The following KLK11 variants were observed in gnomAD, a reference collection of about 807,000 sequenced individuals.
KLK11 encodes the protein kallikrein-11.
KLK11 carries 10 observed loss-of-function variants against 23.4 expected under a neutral mutation model. That is an observed-to-expected ratio of 0.43 (90% confidence interval 0.26 to 0.73). The LOEUF (loss-of-function observed/expected upper bound fraction) is 0.73, where lower values mean the gene tolerates loss of function less well. KLK11 is among the 30% of genes least tolerant of loss of function. The probability of loss-of-function intolerance (pLI) is 0.22; values close to 1 mark genes in which losing one functional copy is unlikely to be tolerated. For synonymous variants in KLK11, 131 were observed against 131.7 expected (o/e 0.99, Z 0.03); for missense variants, 285 against 327.8 (o/e 0.87, Z 1.01).
Position 51,023,109 on chromosome 19 carries a change from C to T in KLK11, c.583G>A (p.Gly195Ser), listed in dbSNP as rs748926710. Residue 195 changes from glycine (G) to serine (S), a missense_variant, in exon 5 of 6, where the codon GGC becomes AGC. Transcript: ENST00000453757. ...TMVCASVQEG[G>S]KDSCQGDSGG... Reference sequence around the variant, plus strand: ...ACACTGACCTGGCAGGAGTCCTTGCCCCCTTCCTGCACGCTGGCACACACC... The same window carrying T: ...ACACTGACCTGGCAGGAGTCCTTGCTCCCTTCCTGCACGCTGGCACACACC... The T allele has an allele frequency of 1.2e-6, 2 of 1,609,930 alleles. No individual in the cohort carries two copies. Among genetic ancestry groups the T allele is most frequent in the Non-Finnish European group, 8.5e-7 (1 of 1,178,304 alleles).
In KLK11 at chr19:51,023,197, G is replaced by A. The variant is rs913235095; in HGVS notation, c.495C>T (p.Asn165=). The A allele has an allele frequency of 6.2e-7, 1 of 1,613,682 alleles. No homozygotes were observed. The highest frequency in any genetic ancestry group is 8.5e-7 in the Non-Finnish European group (1 of 1,179,908). ...ACTTCTGGTGCTCAATGATGGTGAT[G>A]TTGGCGCATCGCAAGGTGTGAGGCA... ...LRLPHTLRCA[N]ITIIEHQKCE... Residue 165 remains asparagine (N), a synonymous_variant, in exon 5 of 6, where the codon AAC becomes AAT. Transcript: ENST00000453757.
At position 51,022,470 on chromosome 19, in the gene KLK11, CTTAT is replaced by C; in HGVS notation, c.*71_*74del. The C allele has an allele frequency of 6.3e-7, 1 of 1,579,914 alleles. No homozygotes were observed. Among genetic ancestry groups the C allele is most frequent in the South Asian group, 1.1e-5 (1 of 89,944 alleles). On this transcript the variant is annotated 3_prime_UTR_variant, in exon 6 of 6. Coordinates refer to ENST00000453757, the MANE Select transcript of KLK11 (RefSeq NM_001136032.3). ...CGTAGAGGGTCTTGGCTTAGGGTTT[CTTAT>C]TAACAGAGTGAACAGGAACCAAACA...
chr19:51,023,352 C>T, intron 4 of KLK11, 124 bp from the exon 5 acceptor site: 1 of 965,758 alleles, frequency 1.0e-6, no homozygotes, highest in South Asian at 1.7e-5. Flanking sequence ...CACCTCTCTT[C>T]TTGTAACAAT....
chr19:51,027,087 A>C (rs1276860945), upstream of KLK11: 2 of 213,276 alleles, frequency 9.4e-6, no homozygotes, highest in East Asian at 1.3e-4. Context: ...ATCTCTGGCA[A>C]TTTGTCTTGA....
chr19:51,026,308 G>A (rs182003984), intron 1 of KLK11, among the ~76,000 whole-genome samples: 13 of 152,052 alleles, frequency 8.5e-5, no homozygotes, highest in East Asian at 1.9e-4. Context: ...CCTGGCCAGC[G>A]GGGGTGGGAG....
upstream of KLK11, chr19:51,027,166 C>T (rs1209388382): frequency 2.0e-5 from 8 of 391,558 alleles, no homozygotes; most frequent in Non-Finnish European, 3.7e-5. Context: ...CTCTCCACAG[C>T]CCCAGCCCAG....
chr19:51,023,820 G>T, intron 4 of KLK11: 1 of 444,456 alleles, frequency 2.2e-6, no homozygotes, highest in Non-Finnish European at 3.9e-6. Context: ...CTTGCCTAAG[G>T]TCTTACAACC....
chr19:51,025,505 A>G lies in KLK11; in HGVS notation c.40+87T>C. 1 of 860,082 alleles carries G rather than the reference A, an allele frequency of 1.2e-6. No individual in the cohort carries two copies. The highest frequency in any genetic ancestry group is 1.7e-6 in the Non-Finnish European group (1 of 579,016). The allele number at this position is 860,082 out of a possible 1,614,324, so 53.3% of individuals were successfully genotyped here. On this transcript the variant is annotated intron_variant, in intron 2 of 5. Transcript: ENST00000453757. The surrounding 1 kb of genome is among the most constrained non-coding windows in gnomAD (Gnocchi z 6.2). ...ATGGGTTGTTCTGTAATTTGGAATC[A>G]GCCCTGTCACTGTCCAGACACAGAG...
At position 51,025,045 on chromosome 19, in the gene KLK11, C is replaced by T. The variant is rs2091461735; in HGVS notation, c.41-251G>A. The stretch of plus-strand genomic sequence containing the variant: ...GGCTAAGGTGGGAGGATTACTTGAG[C>T]CCAGGAGTTCTAGATCAGCCTAGGC... On this transcript the variant is annotated intron_variant, in intron 2 of 5. Transcript: ENST00000453757. This position sits in a 1 kb window ranked among gnomAD's most constrained non-coding sequence, Gnocchi z 6.2. Among the ~76,000 whole-genome samples the T allele has an allele frequency of 6.6e-6, 1 of 152,058 alleles. No individual in the cohort carries two copies. The highest frequency in any genetic ancestry group is 2.1e-4 in the South Asian group (1 of 4,818).
At chr19:51,027,665 C>T (rs1161845620), upstream of KLK11, 3 of 823,950 alleles carry the variant, frequency 3.6e-6, no homozygotes, top group Admixed American at 4.6e-5. Context: ...CCAGCCCTGG[C>T]CTCAAACCTA....
rs779058379 is a variant in KLK11 at position 51,024,112 on chromosome 19, G to A, written c.396C>T (p.Ser132=). The A allele has an allele frequency of 6.3e-7, 1 of 1,595,906 alleles. No individual in the cohort carries two copies. The highest frequency in any genetic ancestry group is 1.1e-5 in the South Asian group (1 of 88,718). Residue 132 remains serine, a synonymous_variant, in exon 4 of 6, where the codon TCC becomes TCT. Transcript: ENST00000453757. The surrounding 1 kb of genome is among the most constrained non-coding windows in gnomAD (Gnocchi z 6.2). ...ITWAVRPLTL[S]SRCVTAGTSC... ...TGGTGCCAGCAGTGACACAGCGTGA[G>A]GAGAGGGTGAGGGGTCGCACAGCCC...
Position 51,025,821 on chromosome 19 carries a change from A to G in KLK11, c.-35-155T>C, listed in dbSNP as rs1320756969. 2.0e-6 allele frequency: 1 copy of G among 506,840 alleles called. No individual in the cohort carries two copies. Among genetic ancestry groups the G allele is most frequent in the Non-Finnish European group, 3.5e-6 (1 of 283,448 alleles). 31.4% of individuals were successfully genotyped at this position (506,840 alleles called of 1,614,324 possible). A position where few individuals can be genotyped will look rare whatever the true frequency, so the allele number is the denominator to read the frequency against. ...ATCCCCTGTTTCTCACAGCACTCAGATCTCCAAACACTTAAAATATATCTT... is the reference window on the plus strand; with the variant it reads ...ATCCCCTGTTTCTCACAGCACTCAGGTCTCCAAACACTTAAAATATATCTT... On this transcript the variant is annotated intron_variant, in intron 1 of 5. Coordinates refer to ENST00000453757, the MANE Select transcript of KLK11 (RefSeq NM_001136032.3). The surrounding 1 kb of genome is among the most constrained non-coding windows in gnomAD (Gnocchi z 6.2).
Position 51,024,158 on chromosome 19 carries a change from G to A in KLK11, c.350C>T (p.Ala117Val). ...HRNDIMLVKM[A>V]SPVSITWAVR... is the part of the protein sequence containing the mutation. Reference sequence around the variant, plus strand: ...AGCCCAGGTGATGGAGACTGGCGATGCCATCTTCACCAGCATGATGTCATT... The same window carrying A: ...AGCCCAGGTGATGGAGACTGGCGATACCATCTTCACCAGCATGATGTCATT... The change falls in exon 4 of 6, where the codon GCA becomes GTA. Residue 117 changes from alanine (A) to valine (V), a missense_variant. Physicochemically the swap from Ala to Val is moderately conservative, Grantham distance 64. Coordinates refer to ENST00000453757, the MANE Select transcript of KLK11 (RefSeq NM_001136032.3). The surrounding 1 kb of genome is among the most constrained non-coding windows in gnomAD (Gnocchi z 6.2). The A allele has an allele frequency of 6.2e-7, 1 of 1,613,480 alleles. No individual in the cohort carries two copies. The highest frequency in any genetic ancestry group is 2.2e-5 in the East Asian group (1 of 44,840).
Position 51,024,603 on chromosome 19 carries a change from C to T in KLK11, c.197+35G>A. ...TCCATCCATCTCCCCATTCCCAGCC[C>T]CCCACCCCGGCACCGCCCCAGCCCC... is the stretch of plus-strand genomic sequence containing the variant. On this transcript the variant is annotated intron_variant, in intron 3 of 5. Transcript: ENST00000453757. The surrounding 1 kb of genome is among the most constrained non-coding windows in gnomAD (Gnocchi z 6.2). 1 of 1,472,914 alleles carries T rather than the reference C, an allele frequency of 6.8e-7. No homozygotes were observed. The highest frequency in any genetic ancestry group is 2.5e-5 in the East Asian group (1 of 40,000). 91.2% of individuals were successfully genotyped at this position (1,472,914 alleles called of 1,614,324 possible). A position where few individuals can be genotyped will look rare whatever the true frequency, so the allele number is the denominator to read the frequency against.
chr19:51,024,225 G>C lies in KLK11; in HGVS notation c.283C>G (p.His95Asp), dbSNP rs765607171. The change falls in exon 4 of 6, where the codon CAC becomes GAC. Residue 95 changes from histidine (H) to aspartate (D), a missense_variant. Physicochemically the swap from His to Asp is moderately conservative, Grantham distance 81. Transcript: ENST00000453757. The surrounding 1 kb of genome is among the most constrained non-coding windows in gnomAD (Gnocchi z 6.2). Reference sequence around the variant, plus strand: ...GGGAGGCTGTTGTTGAAGCCGGGGTGGGGGAAGGACTCAGTGGCTGTCCGG... The same window carrying C: ...GGGAGGCTGTTGTTGAAGCCGGGGTCGGGGAAGGACTCAGTGGCTGTCCGG... ...QTRTATESFP[H>D]PGFNNSLPNK... 5.6e-6 allele frequency: 9 copies of C among 1,613,930 alleles called. No individual in the cohort carries two copies. The highest frequency in any genetic ancestry group is 1.3e-5 in the African/African-American group (1 of 74,878).
Position 51,023,899 on chromosome 19 carries a change from C to T in KLK11, c.463+146G>A, listed in dbSNP as rs1600151164. 8.7e-6 allele frequency: 6 copies of T among 691,140 alleles called. No individual in the cohort carries two copies. In the African/African-American group the frequency reaches 9.1e-5, roughly 10 times the overall value. The allele number at this position is 691,140 out of a possible 1,614,324, so 42.8% of individuals were successfully genotyped here. ...CCAAGGCCCCAACTTTTGTCCCCACCCCCCTATCCTGACGTTTTCCACACA... is the reference window on the plus strand; with the variant it reads ...CCAAGGCCCCAACTTTTGTCCCCACTCCCCTATCCTGACGTTTTCCACACA... On this transcript the variant is annotated intron_variant, in intron 4 of 5. Transcript: ENST00000453757.
Position 51,024,847 on chromosome 19 carries a change from A to G in KLK11, c.41-53T>C. ...GCTCAGGAAGGAGAGGTGGTAGACC[A>G]GGAGGACTCCCAGAAATGGGGGTGG... On this transcript the variant is annotated intron_variant, in intron 2 of 5. Coordinates refer to ENST00000453757, the MANE Select transcript of KLK11 (RefSeq NM_001136032.3). This position sits in a 1 kb window ranked among gnomAD's most constrained non-coding sequence, Gnocchi z 6.2. 1 of 1,471,144 alleles carries G rather than the reference A, an allele frequency of 6.8e-7. No homozygotes were observed. Among genetic ancestry groups the G allele is most frequent in the South Asian group, 1.4e-5 (1 of 72,638 alleles). 91.1% of individuals were successfully genotyped at this position (1,471,144 alleles called of 1,614,324 possible).
In KLK11 at chr19:51,024,672, T is replaced by G; in HGVS notation, c.163A>C (p.Arg55=). 1 of 1,588,190 alleles carries G rather than the reference T, an allele frequency of 6.3e-7. No individual in the cohort carries two copies. The highest frequency in any genetic ancestry group is 8.6e-7 in the Non-Finnish European group (1 of 1,167,676). ...LLCGATLIAP[R]WLLTAAHCLK... ...CAGTGGGCTGCTGTCAGGAGCCATCTGGGGGCGATGAGCGTCGCCCCACAG... is the reference window on the plus strand; with the variant it reads ...CAGTGGGCTGCTGTCAGGAGCCATCGGGGGGCGATGAGCGTCGCCCCACAG... The change falls in exon 3 of 6, where the codon AGA becomes CGA. Residue 55 remains arginine, a synonymous_variant. Transcript: ENST00000453757. This position sits in a 1 kb window ranked among gnomAD's most constrained non-coding sequence, Gnocchi z 6.2.
rs747554652 is a variant in KLK11 at position 51,025,230 on chromosome 19, C to T, written c.40+362G>A. 3.8e-4 allele frequency among the ~76,000 whole-genome samples: 57 copies of T among 151,648 alleles called. No individual in the cohort carries two copies. Among genetic ancestry groups the T allele is most frequent in the Non-Finnish European group, 7.1e-4 (48 of 67,940 alleles). ...ACTGCAGTGAGCCGTGTTGGCACCA[C>T]GGCACTCCAGCCTGGACAATAGAGC... On this transcript the variant is annotated intron_variant, in intron 2 of 5. Transcript: ENST00000453757. The surrounding 1 kb of genome is among the most constrained non-coding windows in gnomAD (Gnocchi z 6.2).
Sources: allele counts gnomAD v4.1 joint callset (sites outside exome capture counted in the v4.1 genomes callset), GRCh38; gene constraint gnomAD v4.1.1; non-coding constraint Gnocchi (gnomAD v3.1); transcripts MANE v1.5; gene names NCBI Gene and HGNC (gene_info 2026-07-23, HGNC 2026-07-21).